Variants in RPS3 observed in about 807,000 individuals in gnomAD.
The protein encoded by RPS3 is ribosomal protein S3, also known as small ribosomal subunit protein uS3.
RPS3 carries 2 observed loss-of-function variants against 25.8 expected under a neutral mutation model. The observed-to-expected ratio is 0.08, with a 90% CI of 0.03 to 0.24. The LOEUF (loss-of-function observed/expected upper bound fraction) is 0.24. RPS3 is among the 10% of genes least tolerant of loss of function. The pLI is 1.00. For missense variants in RPS3, 107 were observed against 307.1 expected, an observed-to-expected ratio of 0.35 and a Z score of 4.87; for synonymous variants, 114 against 114.2, an observed-to-expected ratio of 1.00 and a Z score of 0.01.
chr11:75,414,943 GCGTAATGTGATAAT>G (rs1361711858), intron 6 of RPS3, among the ~76,000 whole-genome samples: 1 of 152,226 alleles, frequency 6.6e-6, no homozygotes, highest in Non-Finnish European at 1.5e-5. Context: ...GAAGCCCACA[GCGTAATGTGATAAT>G]CTGGAGTCTG....
At position 75,404,267 on chromosome 11, in the gene RPS3, C is replaced by T. The variant is rs1948251501; in HGVS notation, c.538+60C>T. On this transcript the variant is annotated intron_variant, in intron 5 of 6. Transcript: ENST00000531188. The surrounding 1 kb of genome is among the most constrained non-coding windows in gnomAD (Gnocchi z 4.6). ...GTGGACAGATTTGGTTTTCCACAGACATCTTAAGTATTTGGGGGAGTTTAT... is the reference window on the plus strand; with the variant it reads ...GTGGACAGATTTGGTTTTCCACAGATATCTTAAGTATTTGGGGGAGTTTAT... 6.8e-7 allele frequency: 1 copy of T among 1,470,124 alleles called. No homozygotes were observed. Among genetic ancestry groups the T allele is most frequent in the African/African-American group, 1.4e-5 (1 of 72,168 alleles). The allele number at this position is 1,470,124 out of a possible 1,614,324, so 91.1% of individuals were successfully genotyped here.
chr11:75,419,478 C>G (rs900771852), intron 6 of RPS3, among the ~76,000 whole-genome samples: 4 of 151,530 alleles, frequency 2.6e-5, no homozygotes, highest in Non-Finnish European at 5.9e-5. Context: ...CTCTTGAACC[C>G]AAGAGGCGGA....
downstream of RPS3, among the ~76,000 whole-genome samples, chr11:75,408,617 G>T (rs559068605): frequency 6.6e-6 from 1 of 151,950 alleles, no homozygotes; most frequent in Non-Finnish European, 1.5e-5. Flanking sequence ...TTGCTCTGTC[G>T]CCCAGGCTGG....
At chr11:75,400,597 T>C in intron 1 of RPS3, 97 bp from the exon 2 acceptor site, 2 of 1,544,808 alleles carry the variant, frequency 1.3e-6, no homozygotes, top group South Asian at 1.1e-5. Context: ...TATTTAGTTT[T>C]GGTGAGGGAT....
rs1326337008 is a variant in RPS3 at position 75,404,752 on chromosome 11, C to T, written c.619C>T (p.His207Tyr). The T allele has an allele frequency of 6.2e-7, 1 of 1,613,508 alleles. No individual in the cohort carries two copies. The highest frequency in any genetic ancestry group is 2.2e-5 in the East Asian group (1 of 44,868). ...KIGPKKPLPD[H>Y]VSIVEPKDEI... ...TGGCCCTAAGAAGCCCCTGCCTGACCACGTGAGCATTGTGGAACCCAAAGA... is the reference window on the plus strand; with the variant it reads ...TGGCCCTAAGAAGCCCCTGCCTGACTACGTGAGCATTGTGGAACCCAAAGA... Residue 207 changes from histidine to tyrosine, a missense_variant, in exon 6 of 7, where the codon CAC (histidine) becomes TAC (tyrosine). Physicochemically the swap from His to Tyr is moderately conservative, Grantham distance 83. Coordinates refer to ENST00000531188, the MANE Select transcript of RPS3 (RefSeq NM_001005.5). The surrounding 1 kb of genome is among the most constrained non-coding windows in gnomAD (Gnocchi z 4.6).
downstream of RPS3, among the ~76,000 whole-genome samples, chr11:75,409,808 CG>C (rs1284770903): frequency 1.6e-4 from 22 of 138,346 alleles, no homozygotes; most frequent in Admixed American, 2.7e-4. Context: ...GCTGGCTGGG[CG>C]GGGGGCTGAC....
chr11:75,411,476 A>G (rs1347990433), downstream of RPS3, among the ~76,000 whole-genome samples: 2 of 151,250 alleles, frequency 1.3e-5, no homozygotes, highest in East Asian at 2.0e-4. Context: ...TGCAAGCTCC[A>G]CCTCCTGGCT....
intron 2 of RPS3, 72 bp from the exon 3 acceptor site, chr11:75,401,568 A>G: frequency 9.5e-7 from 1 of 1,050,308 alleles, no homozygotes; most frequent in Non-Finnish European, 1.5e-6. Flanking sequence ...TTTTGCTACC[A>G]CACATATATG....
intron 6 of RPS3, among the ~76,000 whole-genome samples, chr11:75,412,119 T>G (rs971229406): frequency 6.6e-6 from 1 of 152,204 alleles, no homozygotes; most frequent in Non-Finnish European, 1.5e-5. Context: ...TTCCCCTCTT[T>G]GTGCTTTTGT....
chr11:75,406,871 A>G lies in RPS3; in HGVS notation c.*1261A>G, dbSNP rs1357479171. Reference sequence around the variant, plus strand: ...CAGTTGTAACAGCTATGTAGCATGTACATTAGGTATTAAAAGTAATCCAGT... The same window carrying G: ...CAGTTGTAACAGCTATGTAGCATGTGCATTAGGTATTAAAAGTAATCCAGT... On this transcript the variant is annotated 3_prime_UTR_variant, in exon 7 of 7. Transcript: ENST00000531188. 1 of 152,230 alleles carries G rather than the reference A, an allele frequency of 6.6e-6. No individual in the cohort carries two copies. Among genetic ancestry groups the G allele is most frequent in the South Asian group, 2.1e-4 (1 of 4,832 alleles). The allele number at this position is 152,230 out of a possible 1,614,324, so 9.4% of individuals were successfully genotyped here. A position where few individuals can be genotyped will look rare whatever the true frequency, so the allele number is the denominator to read the frequency against.
At chr11:75,414,108 C>T (rs1358832490) in intron 6 of RPS3, among the ~76,000 whole-genome samples, 3 of 152,174 alleles carry the variant, frequency 2.0e-5, no homozygotes, top group Non-Finnish European at 2.9e-5. Context: ...GTGTCTGACC[C>T]AGCTGCTGAA....
At position 75,404,268 on chromosome 11, in the gene RPS3, A is replaced by C; in HGVS notation, c.538+61A>C. Reference sequence around the variant, plus strand: ...TGGACAGATTTGGTTTTCCACAGACATCTTAAGTATTTGGGGGAGTTTATC... The same window carrying C: ...TGGACAGATTTGGTTTTCCACAGACCTCTTAAGTATTTGGGGGAGTTTATC... On this transcript the variant is annotated intron_variant, in intron 5 of 6. Coordinates refer to ENST00000531188, the MANE Select transcript of RPS3 (RefSeq NM_001005.5). This position sits in a 1 kb window ranked among gnomAD's most constrained non-coding sequence, Gnocchi z 4.6. 6.8e-7 allele frequency: 1 copy of C among 1,462,536 alleles called. No homozygotes were observed. Among genetic ancestry groups the C allele is most frequent in the Non-Finnish European group, 9.5e-7 (1 of 1,054,434 alleles). The allele number at this position is 1,462,536 out of a possible 1,614,324, so 90.6% of individuals were successfully genotyped here.
Position 75,399,591 on chromosome 11 carries a change from G to A in RPS3, c.30+14G>A, listed in dbSNP as rs1948172290. On this transcript the variant is annotated intron_variant, in intron 1 of 6. Transcript: ENST00000531188. Reference sequence around the variant, plus strand: ...AAGAAGAGGAAGGTGAGCCTCTGGGGACTGGGTTCGGAGAACGACGGCGCC... The same window carrying A: ...AAGAAGAGGAAGGTGAGCCTCTGGGAACTGGGTTCGGAGAACGACGGCGCC... 5 of 1,611,936 alleles carry A rather than the reference G, an allele frequency of 3.1e-6. No homozygotes were observed. Among genetic ancestry groups the A allele is most frequent in the Non-Finnish European group, 4.2e-6 (5 of 1,178,284 alleles).
Position 75,404,384 on chromosome 11 carries a change from A to G in RPS3, c.538+177A>G. The G allele has an allele frequency of 1.2e-6, 1 of 806,904 alleles. No homozygotes were observed. The highest frequency in any genetic ancestry group is 2.2e-6 in the Non-Finnish European group (1 of 459,966). The allele number at this position is 806,904 out of a possible 1,614,324, so 50.0% of individuals were successfully genotyped here. A position where few individuals can be genotyped will look rare whatever the true frequency, so the allele number is the denominator to read the frequency against. The stretch of plus-strand genomic sequence containing the variant: ...GATTTGCTGAGATCTGTCAGATCCA[A>G]GAGTTGGTTTGTCCTTGTTTTAGCC... On this transcript the variant is annotated intron_variant, in intron 5 of 6. Coordinates refer to ENST00000531188, the MANE Select transcript of RPS3 (RefSeq NM_001005.5). This position sits in a 1 kb window ranked among gnomAD's most constrained non-coding sequence, Gnocchi z 4.6.
intron 6 of RPS3, among the ~76,000 whole-genome samples, chr11:75,418,426 A>C (rs1260226755): frequency 1.3e-5 from 2 of 152,230 alleles, no homozygotes; most frequent in Non-Finnish European, 2.9e-5. Flanking sequence ...ATGGAGAAAA[A>C]TCAAGATGGA....
downstream of RPS3, among the ~76,000 whole-genome samples, chr11:75,409,638 C>G (rs1171487795): frequency 1.3e-5 from 2 of 148,520 alleles, no homozygotes; most frequent in Non-Finnish European, 3.0e-5. Flanking sequence ...CCCCACCCTT[C>G]CCGCCTTTCT....
At chr11:75,418,914 A>G (rs1383158167) in intron 6 of RPS3, among the ~76,000 whole-genome samples, 1 of 152,186 alleles carries the variant, frequency 6.6e-6, no homozygotes, top group Non-Finnish European at 1.5e-5. Context: ...CAACCAGCCT[A>G]TTCTCACAGC....
rs534074991 is a variant in RPS3 at position 75,406,113 on chromosome 11, T to C, written c.*503T>C. On this transcript the variant is annotated 3_prime_UTR_variant, in exon 7 of 7. Transcript: ENST00000531188. Reference sequence around the variant, plus strand: ...AGGCACATAAGGCTCAGAAGTAAATTTGCCTAAGCAGTATAAAGCTATCAT... The same window carrying C: ...AGGCACATAAGGCTCAGAAGTAAATCTGCCTAAGCAGTATAAAGCTATCAT... The C allele has an allele frequency of 6.5e-6, 1 of 154,058 alleles. No homozygotes were observed. The highest frequency in any genetic ancestry group is 2.4e-5 in the African/African-American group (1 of 41,594). 9.5% of individuals were successfully genotyped at this position (154,058 alleles called of 1,614,324 possible).
rs546602908 is a variant in RPS3, at chr11:75,415,924, C to T, written c.*4-5803C>T. On this transcript the variant is annotated intron_variant, in intron 6 of 6. Transcript: ENST00000527446. The stretch of plus-strand genomic sequence containing the variant: ...CCAGAAGGCGGAGGTTGCAGTGAGC[C>T]GCGATCGTGCCACTGCACTCCAGCC... 1.2e-4 allele frequency among the ~76,000 whole-genome samples: 18 copies of T among 149,140 alleles called. 1 individual carries two copies. In the South Asian group the frequency reaches 1.7e-3, roughly 14 times the overall value.
Sources: gnomAD v4.1 joint callset for allele counts (sites outside exome capture counted in the v4.1 genomes callset) on GRCh38, gnomAD v4.1.1 for gene constraint, Gnocchi (gnomAD v3.1) non-coding constraint, MANE v1.5 for transcripts, NCBI Gene and HGNC (gene_info 2026-07-23, HGNC 2026-07-21) for gene names.